Variants in GNAZ observed in about 807,000 individuals in gnomAD.
GNAZ encodes guanine nucleotide-binding protein G(z) subunit alpha.
Under a neutral mutation model 25.4 loss-of-function variants are expected in GNAZ, and 3 were observed. That is an observed-to-expected ratio of 0.12 (90% confidence interval 0.05 to 0.30). The LOEUF is 0.30. GNAZ is among the 10% of genes least tolerant of loss of function. The pLI, the probability that GNAZ is intolerant of heterozygous loss-of-function variation, is 1.00. For synonymous variants in GNAZ, 211 were observed against 205.7 expected, an observed-to-expected ratio of 1.03 and a Z score of -0.22; for missense variants, 241 against 501.8, an observed-to-expected ratio of 0.48 and a Z score of 4.97.
At chr22:23,094,309 G>A (rs771746644) in intron 1 of GNAZ, among the ~76,000 whole-genome samples, 14 of 152,160 alleles carry the variant, frequency 9.2e-5, no homozygotes, top group African/African-American at 1.2e-4. Flanking sequence ...GCTGCCCCTC[G>A]TGTGGGGAGG....
Position 23,071,701 on chromosome 22 carries a change from C to T in GNAZ, c.-450+1131C>T, listed in dbSNP as rs1256758021. Among the ~76,000 whole-genome samples, 5 of 152,214 alleles carry T rather than the reference C, an allele frequency of 3.3e-5. No homozygotes were observed. The highest frequency in any genetic ancestry group is 1.2e-4 in the African/African-American group (5 of 41,454). The stretch of plus-strand genomic sequence containing the variant: ...CTACTCGACCAACCCCGCTTGAGTG[C>T]AGGTGCAGGGGCCTCGGGAGGGACC... On this transcript the variant is annotated intron_variant, in intron 1 of 2. Transcript: ENST00000615612. The surrounding 1 kb of genome is among the most constrained non-coding windows in gnomAD (Gnocchi z 4.1).
At chr22:23,078,510 G>A (rs748142424) in intron 1 of GNAZ, among the ~76,000 whole-genome samples, 9 of 152,246 alleles carry the variant, frequency 5.9e-5, no homozygotes, top group Non-Finnish European at 8.8e-5. Flanking sequence ...GGCTCCTGGA[G>A]TGCTTGGCCT....
chr22:23,073,597 T>G (rs7292975), intron 1 of GNAZ, among the ~76,000 whole-genome samples: 212 of 152,330 alleles, frequency 1.4e-3, no homozygotes, highest in African/African-American at 5.0e-3. Flanking sequence ...CCACACATTT[T>G]GGCCCTTTCG....
chr22:23,076,330 C>T (rs2146256069), intron 1 of GNAZ, among the ~76,000 whole-genome samples: 1 of 152,320 alleles, frequency 6.6e-6, no homozygotes, highest in East Asian at 1.9e-4. Context: ...AGAATCGCCA[C>T]CCAGGGAGTC....
At chr22:23,098,503 G>T (rs1207647966) in intron 2 of GNAZ, among the ~76,000 whole-genome samples, 1 of 152,230 alleles carries the variant, frequency 6.6e-6, no homozygotes, top group East Asian at 1.9e-4. Context: ...GCAGCCACTG[G>T]CCTGGTCTCA....
At chr22:23,084,231 G>T (rs950459617) in intron 1 of GNAZ, among the ~76,000 whole-genome samples, 1 of 152,160 alleles carries the variant, frequency 6.6e-6, no homozygotes, top group African/African-American at 2.4e-5. Context: ...AGTTTTTCAG[G>T]TTATGGTGCA....
chr22:23,121,933 G>A (rs5759590), intron 2 of GNAZ, among the ~76,000 whole-genome samples: 72,353 of 151,680 alleles, frequency 0.48, 18,071 homozygotes, highest in Middle Eastern at 0.57. Flanking sequence ...AAGTTTCACT[G>A]TGTTGGCCAG....
chr22:23,119,238 A>G (rs885965), intron 2 of GNAZ, among the ~76,000 whole-genome samples: 87,168 of 152,162 alleles, frequency 0.57, 25,309 homozygotes, highest in African/African-American at 0.64. Context: ...GGCAAGCACC[A>G]GGGCCCAGGC....
chr22:23,096,559 G>C, intron 2 of GNAZ, 141 bp downstream of exon 2: 2 of 856,294 alleles, frequency 2.3e-6, no homozygotes, highest in Non-Finnish European at 3.7e-6. Context: ...GATAACTGAG[G>C]CAGCTCCAGC....
In GNAZ at chr22:23,123,104, C is replaced by T. The variant is rs371206650; in HGVS notation, c.741C>T (p.Ser247=). Residue 247 remains serine, a synonymous_variant, in exon 3 of 3, where the codon AGC becomes AGT. Coordinates refer to ENST00000615612, the MANE Select transcript of GNAZ (RefSeq NM_002073.4). The stretch of plus-strand genomic sequence containing the variant: ...TTCCCCAGAGTCGGATGGCAGAGAG[C>T]TTGCGCCTCTTTGACTCCATCTGCA... ...EDNQTSRMAE[S]LRLFDSICNN... 1 of 1,612,732 alleles carries T rather than the reference C, an allele frequency of 6.2e-7. No homozygotes were observed. Among genetic ancestry groups the T allele is most frequent in the East Asian group, 2.2e-5 (1 of 44,864 alleles).
intron 1 of GNAZ, among the ~76,000 whole-genome samples, chr22:23,070,924 C>T (rs1056481212): frequency 6.6e-6 from 1 of 151,982 alleles, no homozygotes; most frequent in Non-Finnish European, 1.5e-5. Flanking sequence ...ATGCGGAGCC[C>T]GGGCGGGCCA....
At chr22:23,116,680 G>C (rs1012597904) in intron 2 of GNAZ, among the ~76,000 whole-genome samples, 2 of 152,172 alleles carry the variant, frequency 1.3e-5, no homozygotes, top group Non-Finnish European at 2.9e-5. Context: ...GAACGTGTGA[G>C]GCCCTGGATG....
intron 1 of GNAZ, among the ~76,000 whole-genome samples, chr22:23,077,802 C>CT (rs1160559993): frequency 6.6e-6 from 1 of 152,194 alleles, no homozygotes; most frequent in African/African-American, 2.4e-5. Context: ...GGTGGGAGAA[C>CT]TTGGCACCTA....
chr22:23,080,831 C>G (rs1398714828), intron 1 of GNAZ, among the ~76,000 whole-genome samples: 1 of 152,226 alleles, frequency 6.6e-6, no homozygotes, highest in African/African-American at 2.4e-5. Flanking sequence ...CGCGCAAAAA[C>G]CCTTTTTACC....
intron 2 of GNAZ, among the ~76,000 whole-genome samples, chr22:23,107,369 T>A (rs952225607): frequency 3.9e-5 from 6 of 152,180 alleles, no homozygotes; most frequent in African/African-American, 9.6e-5. Flanking sequence ...CTGAGCTGCC[T>A]ACATGGGCAG....
chr22:23,099,825 G>T lies in GNAZ; in HGVS notation c.723+3407G>T, dbSNP rs541809512. 2.6e-5 allele frequency among the ~76,000 whole-genome samples: 4 copies of T among 152,370 alleles called. No homozygotes were observed. In the South Asian group the frequency reaches 8.3e-4, roughly 32 times the overall value. ...AGCCCACACTGAGGGACAGACACAG[G>T]TGGCTGTGACCAGCAGAGCCTGGGT... On this transcript the variant is annotated intron_variant, in intron 2 of 2. Coordinates refer to ENST00000615612, the MANE Select transcript of GNAZ (RefSeq NM_002073.4).
At chr22:23,078,577 C>T (rs571057946) in intron 1 of GNAZ, among the ~76,000 whole-genome samples, 49 of 152,366 alleles carry the variant, frequency 3.2e-4, no homozygotes, top group Non-Finnish European at 5.4e-4. Context: ...TCCCTCCTCC[C>T]AGGATGGTGT....
In GNAZ at chr22:23,111,389, G is replaced by A. The variant is rs12628895; in HGVS notation, c.724-11698G>A. ...GCACTGGACTCGGTTCCGCCTAGTG[G>A]CAAAGAGGCCCAGAAAAGTCTCAAG... On this transcript the variant is annotated intron_variant, in intron 2 of 2. Transcript: ENST00000615612. 2.5e-3 allele frequency among the ~76,000 whole-genome samples: 374 copies of A among 152,332 alleles called. 7 individuals are homozygous for A. In the East Asian group the frequency reaches 0.054, roughly 22 times the overall value.
At chr22:23,104,906 G>A (rs752050550) in intron 2 of GNAZ, among the ~76,000 whole-genome samples, 1 of 152,194 alleles carries the variant, frequency 6.6e-6, no homozygotes, top group Non-Finnish European at 1.5e-5. Context: ...GGCATCTCAG[G>A]GGGGACACCC....
Sources: allele counts gnomAD v4.1 joint callset (sites outside exome capture counted in the v4.1 genomes callset), GRCh38; gene constraint gnomAD v4.1.1; non-coding constraint Gnocchi (gnomAD v3.1); transcripts MANE v1.5; gene names NCBI Gene and HGNC (gene_info 2026-07-23, HGNC 2026-07-21).